CEP120: variants seen among roughly 807,000 people sequenced by gnomAD.
CEP120 encodes centrosomal protein of 120 kDa.
A neutral mutation model predicts 126.5 loss-of-function variants in CEP120; 113 were observed. The observed-to-expected ratio is 0.89, with a 90% confidence interval of 0.77 to 1.04. CEP120 has a LOEUF of 1.04. Ranked by LOEUF, CEP120 falls within the 50% of genes least tolerant of loss-of-function variation. CEP120 has a pLI of 0.00. For missense variants in CEP120, 1,230 were observed against 1,155.7 expected (o/e 1.06, Z -0.93); for synonymous variants, 400 against 394.3 (o/e 1.01, Z -0.17).
chr5:123,360,166 C>T lies in CEP120; in HGVS notation c.2580+4330G>A, dbSNP rs377237222. ...TCTGAACAAAACCAGATAGACGATTCCAAAATTACATTCAAGCACAATAAA... is the reference window on the plus strand; with the variant it reads ...TCTGAACAAAACCAGATAGACGATTTCAAAATTACATTCAAGCACAATAAA... On this transcript the variant is annotated intron_variant, in intron 18 of 19. Transcript: ENST00000306467. 5.3e-5 allele frequency among the ~76,000 whole-genome samples: 8 copies of T among 151,812 alleles called. No individual in the cohort carries two copies. The East Asian group carries it at 1.5e-3, about 29-fold the overall frequency.
intron 5 of CEP120, among the ~76,000 whole-genome samples, chr5:123,395,964 G>A (rs2127082545): frequency 6.7e-6 from 1 of 149,774 alleles, no homozygotes; most frequent in Middle Eastern, 3.5e-3. Flanking sequence ...TTACAGATGT[G>A]AGCCACTGAG....
chr5:123,422,654 G>A, intron 1 of CEP120: 1 of 980,568 alleles, frequency 1.0e-6, no homozygotes, highest in Non-Finnish European at 1.5e-6. Flanking sequence ...ACCACGTTCA[G>A]CTCATATATA....
intron 4 of CEP120, among the ~76,000 whole-genome samples, chr5:123,411,668 T>C (rs1774065566): frequency 6.6e-6 from 1 of 152,116 alleles, no homozygotes; most frequent in African/African-American, 2.4e-5. Context: ...AAAAGATCAA[T>C]AGCTGCCAAG....
chr5:123,408,713 C>G (rs562507561), intron 4 of CEP120, among the ~76,000 whole-genome samples: 1 of 152,288 alleles, frequency 6.6e-6, no homozygotes, highest in Non-Finnish European at 1.5e-5. Flanking sequence ...TACCAATTCT[C>G]TATAATCTCT....
Position 123,418,698 on chromosome 5 carries a change from G to C in CEP120, c.50-183C>G, listed in dbSNP as rs551794102. Reference sequence around the variant, plus strand: ...TGCAACCTCCGCCTCCCAGGTTCACGCGATTCTCCTACCTGAGCCTCCCAA... The same window carrying C: ...TGCAACCTCCGCCTCCCAGGTTCACCCGATTCTCCTACCTGAGCCTCCCAA... On this transcript the variant is annotated intron_variant, in intron 1 of 19. Transcript: ENST00000306467. 5.3e-5 allele frequency among the ~76,000 whole-genome samples: 8 copies of C among 151,406 alleles called. No individual in the cohort carries two copies. In the East Asian group the frequency reaches 5.9e-4, roughly 11 times the overall value.
rs958063981 is a variant in CEP120, at chr5:123,423,337, C to T, written c.-339G>A. 1.7e-5 allele frequency: 6 copies of T among 348,286 alleles called. No individual in the cohort carries two copies. Among genetic ancestry groups the T allele is most frequent in the African/African-American group, 1.1e-4 (5 of 45,372 alleles). 21.6% of individuals were successfully genotyped at this position (348,286 alleles called of 1,614,324 possible). On this transcript the variant is annotated 5_prime_UTR_variant, in exon 1 of 20. Transcript: ENST00000306467. ...GCCCGGGCGGCCGCAGCGGCCGCCG[C>T]CGCGCCCAGCTTCCGCCTAGCAACC... is the stretch of plus-strand genomic sequence containing the variant.
chr5:123,351,862 G>A (rs931753387), intron 18 of CEP120, among the ~76,000 whole-genome samples: 4 of 152,206 alleles, frequency 2.6e-5, no homozygotes, highest in Middle Eastern at 3.4e-3. Context: ...AAGCATTTCC[G>A]ATTAGGGATG....
chr5:123,417,832 C>T (rs867220472), intron 2 of CEP120, among the ~76,000 whole-genome samples: 23 of 152,078 alleles, frequency 1.5e-4, no homozygotes, highest in Admixed American at 1.0e-3. Flanking sequence ...GTTACTAATA[C>T]TTAACATCTC....
chr5:123,418,981 C>T (rs867963081), intron 1 of CEP120, among the ~76,000 whole-genome samples: 1 of 152,200 alleles, frequency 6.6e-6, no homozygotes, highest in Non-Finnish European at 1.5e-5. Context: ...CACTCACTTC[C>T]ATAATTCATA....
At chr5:123,401,615 G>C (rs1773246652) in intron 4 of CEP120, 5 of 1,422,270 alleles carry the variant, frequency 3.5e-6, no homozygotes. Flanking sequence ...CAGCACCACA[G>C]ATGTGTCTGA....
At chr5:123,388,671 G>C (rs1254509162) in intron 8 of CEP120, 65 bp from the exon 9 acceptor site, 14 of 1,280,656 alleles carry the variant, frequency 1.1e-5, no homozygotes, top group African/African-American at 1.5e-5. Context: ...AAATTGTACA[G>C]ATAGTTTAAG....
intron 6 of CEP120, among the ~76,000 whole-genome samples, chr5:123,392,919 G>A (rs1772501093): frequency 6.6e-6 from 1 of 152,148 alleles, no homozygotes; most frequent in Admixed American, 6.5e-5. Flanking sequence ...ACGGCAGTAA[G>A]GCATATATAT....
At chr5:123,365,576 A>C (rs761626382) in intron 17 of CEP120, among the ~76,000 whole-genome samples, 1 of 151,734 alleles carries the variant, frequency 6.6e-6, no homozygotes, top group Admixed American at 6.6e-5. Flanking sequence ...ATATATGACT[A>C]CATGGAGTCA....
chr5:123,357,597 C>CCTGT lies in CEP120; in HGVS notation c.2580+6895_2580+6898dup, dbSNP rs1769736324. 4.6e-5 allele frequency among the ~76,000 whole-genome samples: 7 copies of CCTGT among 151,432 alleles called. No individual in the cohort carries two copies. The South Asian group carries it at 1.5e-3, about 31-fold the overall frequency. On this transcript the variant is annotated intron_variant, in intron 18 of 19. Coordinates refer to ENST00000306467, the MANE Select transcript of CEP120 (RefSeq NM_001375405.1). ...AGAAATGTAAGTGGCGTGGCAAAAC[C>CCTGT]CTGTCTTTACAAAAATTAGCCAGGC... is the stretch of plus-strand genomic sequence containing the variant.
At chr5:123,355,110 T>G (rs1486855426) in intron 18 of CEP120, among the ~76,000 whole-genome samples, 1 of 152,126 alleles carries the variant, frequency 6.6e-6, no homozygotes, top group Admixed American at 6.5e-5. Flanking sequence ...ACAAGGGACA[T>G]GAACTCATCA....
At chr5:123,409,865 G>A (rs1773920196) in intron 4 of CEP120, among the ~76,000 whole-genome samples, 1 of 151,536 alleles carries the variant, frequency 6.6e-6, no homozygotes, top group Non-Finnish European at 1.5e-5. Context: ...GCTGAGGCAG[G>A]AGAATCGCTT....
intron 5 of CEP120, among the ~76,000 whole-genome samples, chr5:123,394,010 T>A (rs929163292): frequency 6.6e-6 from 1 of 152,184 alleles, no homozygotes; most frequent in African/African-American, 2.4e-5. Context: ...ACCAAAAAAA[T>A]ACCTTTTGTA....
chr5:123,385,204 T>C, intron 10 of CEP120, 71 bp from the exon 11 acceptor site: 2 of 1,264,956 alleles, frequency 1.6e-6, no homozygotes, highest in Non-Finnish European at 2.2e-6. Flanking sequence ...CTAAATTCTT[T>C]GAATTCCCTC....
In CEP120 at chr5:123,418,494, G is replaced by A. The variant is rs543617686; in HGVS notation, c.71C>T (p.Pro24Leu). Residue 24 changes from proline to leucine, a missense_variant, in exon 2 of 20, where the codon CCA becomes CTA. Transcript: ENST00000306467. ...TGCTTCCACTACAAGCATATGCTTT[G>A]GACGTTTGGGGAAATGCCGACCTGG... Reference protein sequence around the residue: ...ILEGRHFPKRPKHMLVVEAKF... With the variant: ...ILEGRHFPKRLKHMLVVEAKF... The A allele has an allele frequency of 6.2e-7, 1 of 1,604,302 alleles. No homozygotes were observed. The highest frequency in any genetic ancestry group is 1.1e-5 in the South Asian group (1 of 89,536).
Sources: gnomAD v4.1 joint callset for allele counts (sites outside exome capture counted in the v4.1 genomes callset) on GRCh38, gnomAD v4.1.1 for gene constraint, MANE v1.5 for transcripts, NCBI Gene and HGNC (gene_info 2026-07-23, HGNC 2026-07-21) for gene names.